Variants in GNAS observed in about 807,000 individuals in gnomAD.
The protein encoded by GNAS is GNAS complex locus, also known as protein ALEX.
GNAS carries 8 observed loss-of-function variants against 54.5 expected under a neutral mutation model. The ratio of observed to expected loss-of-function variants is 0.15; its 90% CI spans 0.09 to 0.26. The LOEUF is 0.26. Ranked by LOEUF, GNAS falls within the 10% of genes least tolerant of loss-of-function variation. The pLI, the probability that GNAS is intolerant of heterozygous loss-of-function variation, is 1.00. For missense variants in GNAS, 170 were observed against 529.8 expected (o/e 0.32, Z 6.67); for synonymous variants, 204 against 191.4 (o/e 1.07, Z -0.54).
In GNAS at chr20:58,854,723, T is replaced by C. The variant is rs531114135; in HGVS notation, c.43+13837T>C. On this transcript the variant is annotated intron_variant, in intron 1 of 12. Coordinates refer to the GNAS transcript ENST00000306090. ...CGGCTGCTGAGACCCGGGCAGCCCA[T>C]GTCGCCCCAGCTGCGCCAGACGCAG... 1.4e-5 allele frequency: 22 copies of C among 1,534,728 alleles called. No individual in the cohort carries two copies. In the African/African-American group the frequency reaches 3.0e-4, roughly 21 times the overall value.
At chr20:58,896,165 T>C (rs1051140956) in intron 2 of GNAS, among the ~76,000 whole-genome samples, 1 of 152,208 alleles carries the variant, frequency 6.6e-6, no homozygotes, top group Non-Finnish European at 1.5e-5. Context: ...AGGGAAACAT[T>C]GTTTCCATAA....
Position 58,911,016 on chromosome 20 carries a change from T to A in GNAS, c.*187T>A. On this transcript the variant is annotated 3_prime_UTR_variant, in exon 13 of 13. Coordinates refer to ENST00000371085, the MANE Select transcript of GNAS (RefSeq NM_000516.7). ...TTAGATGTTCCAAATTTAGAAAGCT[T>A]AAGGCGGCCTACAGAAAAAGGAAAA... 2 of 705,648 alleles carry A rather than the reference T, an allele frequency of 2.8e-6. No homozygotes were observed. Among genetic ancestry groups the A allele is most frequent in the South Asian group, 1.5e-5 (1 of 66,754 alleles). The allele number at this position is 705,648 out of a possible 1,614,324, so 43.7% of individuals were successfully genotyped here. A position where few individuals can be genotyped will look rare whatever the true frequency, so the allele number is the denominator to read the frequency against.
In GNAS at chr20:58,853,062, A is replaced by T. The variant is rs1227568278; in HGVS notation, c.43+12176A>T. 7.3e-7 allele frequency: 1 copy of T among 1,374,040 alleles called. No homozygotes were observed. The highest frequency in any genetic ancestry group is 9.4e-7 in the Non-Finnish European group (1 of 1,069,150). The allele number at this position is 1,374,040 out of a possible 1,614,324, so 85.1% of individuals were successfully genotyped here. A position where few individuals can be genotyped will look rare whatever the true frequency, so the allele number is the denominator to read the frequency against. On this transcript the variant is annotated intron_variant, in intron 1 of 12. Transcript: ENST00000306090. This position sits in a 1 kb window ranked among gnomAD's most constrained non-coding sequence, Gnocchi z 4.4. ...GGAAGGAGCCAAGACTCCACCAGCAACAATTGAGTTGCTTCAGCCTCAGTC... is the reference window on the plus strand; with the variant it reads ...GGAAGGAGCCAAGACTCCACCAGCATCAATTGAGTTGCTTCAGCCTCAGTC...
At chr20:58,879,736 T>A (rs1384431959) in intron 1 of GNAS, among the ~76,000 whole-genome samples, 1 of 152,122 alleles carries the variant, frequency 6.6e-6, no homozygotes, top group Non-Finnish European at 1.5e-5. Flanking sequence ...GGCTAGTCCT[T>A]CTAGGCAGAC....
At chr20:58,848,939 G>A (rs1385057208) in intron 1 of GNAS, 2 of 398,182 alleles carry the variant, frequency 5.0e-6, no homozygotes, top group South Asian at 1.3e-4. Flanking sequence ...TAACAGGAGT[G>A]GAAAAAAGGG....
At chr20:58,870,177 C>T (rs1249392837) in intron 1 of GNAS, among the ~76,000 whole-genome samples, 1 of 152,204 alleles carries the variant, frequency 6.6e-6, no homozygotes, top group Non-Finnish European at 1.5e-5. Flanking sequence ...GTTAAAGAAA[C>T]TGAATACACA....
rs1420599206 is a variant in GNAS at position 58,891,544 on chromosome 20, CCCGCCCGT to C, written c.-178_-171del. The C allele has an allele frequency of 1.3e-3, 1,317 of 976,006 alleles. 1 individual carries two copies. The highest frequency in any genetic ancestry group is 1.5e-3 in the Non-Finnish European group (1,218 of 824,638). 60.5% of individuals were successfully genotyped at this position (976,006 alleles called of 1,614,324 possible). A position where few individuals can be genotyped will look rare whatever the true frequency, so the allele number is the denominator to read the frequency against. On this transcript the variant is annotated 5_prime_UTR_variant, in exon 1 of 13. Transcript: ENST00000371085. ...TCGGTCCGACCGACACCCTCCCCTT[CCCGCCCGT>C]CCGCGCGCCCCGCGGCCCGCGGCCC...
Position 58,910,475 on chromosome 20 carries a change from C to A in GNAS, c.1038+74C>A. ...TCATGGATGTAAATTTACTTAATTC[C>A]AAATTCAGGGGTTCAGCTACCCAGT... On this transcript the variant is annotated intron_variant, in intron 12 of 12. Coordinates refer to ENST00000371085, the MANE Select transcript of GNAS (RefSeq NM_000516.7). The surrounding 1 kb of genome is among the most constrained non-coding windows in gnomAD (Gnocchi z 5.8). The A allele has an allele frequency of 1.5e-6, 2 of 1,292,184 alleles. No individual in the cohort carries two copies. Among genetic ancestry groups the A allele is most frequent in the South Asian group, 1.2e-5 (1 of 84,424 alleles). 80.0% of individuals were successfully genotyped at this position (1,292,184 alleles called of 1,614,324 possible). A position where few individuals can be genotyped will look rare whatever the true frequency, so the allele number is the denominator to read the frequency against.
intron 2 of GNAS, chr20:58,897,751 G>T (rs143209060): frequency 6.6e-6 from 1 of 152,180 alleles, no homozygotes; most frequent in South Asian, 2.1e-4. Flanking sequence ...CTGTGAGAGG[G>T]TTTACAGGGG....
At chr20:58,855,665 GA>G (rs2086456870) in intron 1 of GNAS, 1 of 699,714 alleles carries the variant, frequency 1.4e-6, no homozygotes, top group Non-Finnish European at 2.7e-6. Context: ...AACTGCCGGG[GA>G]GGGGCCCCGG....
At chr20:58,902,803 C>T (rs1601108056) in intron 3 of GNAS, among the ~76,000 whole-genome samples, 1 of 133,960 alleles carries the variant, frequency 7.5e-6, no homozygotes, top group Non-Finnish European at 1.5e-5. Flanking sequence ...GCCATCTCAG[C>T]TTACTGCAAC....
upstream of GNAS, among the ~76,000 whole-genome samples, chr20:58,890,275 CCGACGA>C (rs960551912): frequency 6.0e-5 from 9 of 150,928 alleles, no homozygotes; most frequent in African/African-American, 1.7e-4. Context: ...GCGGCCGCCG[CCGACGA>C]CGACGAGGGC....
chr20:58,862,229 C>T (rs865785030), intron 1 of GNAS, among the ~76,000 whole-genome samples: 6 of 151,994 alleles, frequency 3.9e-5, no homozygotes, highest in African/African-American at 1.5e-4. Flanking sequence ...ATGATCTCGG[C>T]TCACTGCAAC....
Position 58,863,120 on chromosome 20 carries a change from T to C in GNAS, c.43+22234T>C, listed in dbSNP as rs1006072577. Reference sequence around the variant, plus strand: ...AACAATGTTTGACTTTTCATTATGTTGATCGTCACATGCTCTTTGAGCACA... The same window carrying C: ...AACAATGTTTGACTTTTCATTATGTCGATCGTCACATGCTCTTTGAGCACA... On this transcript the variant is annotated intron_variant, in intron 1 of 12. Transcript: ENST00000306090. This position sits in a 1 kb window ranked among gnomAD's most constrained non-coding sequence, Gnocchi z 4.1. Among the ~76,000 whole-genome samples the C allele has an allele frequency of 6.6e-5, 10 of 152,204 alleles. No homozygotes were observed. Among genetic ancestry groups the C allele is most frequent in the Non-Finnish European group, 1.3e-4 (9 of 68,046 alleles).
chr20:58,874,768 T>C (rs1199576824), intron 1 of GNAS, among the ~76,000 whole-genome samples: 1 of 152,198 alleles, frequency 6.6e-6, no homozygotes, highest in African/African-American at 2.4e-5. Context: ...TCTATCTTAG[T>C]TCCAGTCCTC....
intron 1 of GNAS, chr20:58,848,992 T>C: frequency 2.5e-6 from 1 of 398,358 alleles, no homozygotes; most frequent in Non-Finnish European, 4.4e-6. Context: ...TTCCTAGTCT[T>C]AATTTATCTT....
At chr20:58,906,616 C>T (rs1368135770) in intron 6 of GNAS, among the ~76,000 whole-genome samples, 1 of 152,234 alleles carries the variant, frequency 6.6e-6, no homozygotes, top group Non-Finnish European at 1.5e-5. Context: ...ACTGCAACCT[C>T]TGCCTCCTGG....
At chr20:58,848,314 C>G (rs959620795) in intron 1 of GNAS, among the ~76,000 whole-genome samples, 1 of 152,222 alleles carries the variant, frequency 6.6e-6, no homozygotes, top group East Asian at 1.9e-4. Flanking sequence ...CACACAGCCC[C>G]TCATGACAGG....
rs573636951 is a variant in GNAS at position 58,902,328 on chromosome 20, A to G, written c.258-1203A>G. ...GCCCTCTAAAAACATAAACTCGAGA[A>G]CCTTCCCTGGCTGTGCTTCTAATGA... On this transcript the variant is annotated intron_variant, in intron 3 of 12. Transcript: ENST00000371085. 5.3e-5 allele frequency among the ~76,000 whole-genome samples: 8 copies of G among 152,252 alleles called. No homozygotes were observed. The South Asian group carries it at 1.7e-3, about 32-fold the overall frequency.
Sources: allele counts gnomAD v4.1 joint callset (sites outside exome capture counted in the v4.1 genomes callset), GRCh38; gene constraint gnomAD v4.1.1; non-coding constraint Gnocchi (gnomAD v3.1); transcripts MANE v1.5; gene names NCBI Gene and HGNC (gene_info 2026-07-23, HGNC 2026-07-21).